The following CD2AP variants were observed in gnomAD, a reference collection of about 807,000 sequenced individuals.
The protein encoded by CD2AP is CD2 associated protein.
A neutral mutation model predicts 85.1 loss-of-function variants in CD2AP; 46 were observed. The observed-to-expected ratio is 0.54, with a 90% confidence interval of 0.43 to 0.69. The LOEUF is 0.69. Ranked by LOEUF, CD2AP falls within the 30% of genes least tolerant of loss-of-function variation. The pLI, the probability that CD2AP is intolerant of heterozygous loss-of-function variation, is 0.00. For synonymous variants in CD2AP, 255 were observed against 252.9 expected (o/e 1.01, Z -0.08); for missense variants, 769 against 729.5 (o/e 1.05, Z -0.62).
chr6:47,557,057 G>A (rs1165912916), intron 5 of CD2AP, among the ~76,000 whole-genome samples: 1 of 151,998 alleles, frequency 6.6e-6, no homozygotes, highest in East Asian at 1.9e-4. Context: ...ATTTTGATTT[G>A]CATTTCTCTG....
At position 47,477,978 on chromosome 6, in the gene CD2AP, G is replaced by A. The variant is rs532229799; in HGVS notation, c.-267G>A. ...GGAAAACCGCGGTCGGGCGGGCGGG[G>A]TAGGGCCCTCCCGCCGCCGTGGCTC... On this transcript the variant is annotated 5_prime_UTR_variant, in exon 1 of 18. Coordinates refer to ENST00000359314, the MANE Select transcript of CD2AP (RefSeq NM_012120.3). 822 of 561,740 alleles carry A rather than the reference G, an allele frequency of 1.5e-3. 10 individuals are homozygous for A. The highest frequency in any genetic ancestry group is 0.011 in the South Asian group (533 of 47,938). The allele number at this position is 561,740 out of a possible 1,614,324, so 34.8% of individuals were successfully genotyped here. A position where few individuals can be genotyped will look rare whatever the true frequency, so the allele number is the denominator to read the frequency against.
intron 13 of CD2AP, among the ~76,000 whole-genome samples, chr6:47,601,545 C>A (rs1769133725): frequency 6.6e-6 from 1 of 151,922 alleles, no homozygotes; most frequent in Admixed American, 6.6e-5. Context: ...GGCACAGTTG[C>A]ATGCTAAGAT....
intron 2 of CD2AP, among the ~76,000 whole-genome samples, chr6:47,530,414 A>G (rs1766842866): frequency 6.6e-6 from 1 of 152,162 alleles, no homozygotes; most frequent in South Asian, 2.1e-4. Flanking sequence ...CTGCTTTTTA[A>G]TCTATACATT....
chr6:47,509,612 T>A (rs1239068661), intron 2 of CD2AP, among the ~76,000 whole-genome samples: 1 of 152,196 alleles, frequency 6.6e-6, no homozygotes, highest in East Asian at 1.9e-4. Context: ...GGTCACTTCA[T>A]TTTTTGTTTT....
intron 2 of CD2AP, among the ~76,000 whole-genome samples, chr6:47,533,340 TG>T (rs891642965): frequency 2.0e-5 from 3 of 151,962 alleles, no homozygotes; most frequent in Non-Finnish European, 4.4e-5. Context: ...TCTTTGTAGT[TG>T]GGGTGAGTGG....
chr6:47,528,304 AGC>A (rs1446433715), intron 2 of CD2AP, among the ~76,000 whole-genome samples: 1 of 152,062 alleles, frequency 6.6e-6, no homozygotes, highest in East Asian at 1.9e-4. Flanking sequence ...CCTCCCAAGG[AGC>A]TGGGGTTACA....
intron 2 of CD2AP, among the ~76,000 whole-genome samples, chr6:47,532,579 CTG>C (rs1479810530): frequency 6.6e-6 from 1 of 151,780 alleles, no homozygotes; most frequent in East Asian, 1.9e-4. Flanking sequence ...TGAAGTTTGT[CTG>C]TTTATGGATT....
intron 1 of CD2AP, among the ~76,000 whole-genome samples, chr6:47,483,427 A>G (rs1353840729): frequency 6.6e-6 from 1 of 152,096 alleles, no homozygotes; most frequent in Non-Finnish European, 1.5e-5. Context: ...GGGAAAAGGG[A>G]GGAAATGGGG....
At chr6:47,590,970 TC>T (rs1222328587) in intron 11 of CD2AP, among the ~76,000 whole-genome samples, 1 of 152,120 alleles carries the variant, frequency 6.6e-6, no homozygotes, top group African/African-American at 2.4e-5. Flanking sequence ...TGTTAAAACT[TC>T]CATACTACCC....
intron 11 of CD2AP, among the ~76,000 whole-genome samples, chr6:47,593,369 C>A (rs1768853845): frequency 6.6e-6 from 1 of 152,058 alleles, no homozygotes; most frequent in Admixed American, 6.6e-5. Flanking sequence ...AGGACTGTTA[C>A]AACTTAACAA....
chr6:47,523,977 A>G (rs1432706009), intron 2 of CD2AP, among the ~76,000 whole-genome samples: 1 of 152,202 alleles, frequency 6.6e-6, no homozygotes, highest in Admixed American at 6.5e-5. Flanking sequence ...TTTGGTAGAT[A>G]GCTTTAAAGA....
intron 3 of CD2AP, among the ~76,000 whole-genome samples, chr6:47,543,092 A>T (rs1297271550): frequency 7.1e-6 from 1 of 141,420 alleles, no homozygotes; most frequent in Admixed American, 7.7e-5. Flanking sequence ...TGGAGGTTGC[A>T]GCGAGCTGAG....
At chr6:47,567,128 A>G (rs1275370795) in intron 5 of CD2AP, among the ~76,000 whole-genome samples, 2 of 150,170 alleles carry the variant, frequency 1.3e-5, no homozygotes, top group Non-Finnish European at 3.0e-5. Context: ...CATATGGGGT[A>G]TGGAAATTTG....
chr6:47,487,574 C>G (rs1042129083), intron 1 of CD2AP, among the ~76,000 whole-genome samples: 1 of 152,040 alleles, frequency 6.6e-6, no homozygotes, highest in Non-Finnish European at 1.5e-5. Context: ...CCTGTAGTCC[C>G]AGCTGCTCGG....
intron 2 of CD2AP, among the ~76,000 whole-genome samples, chr6:47,527,153 T>A (rs1177650805): frequency 2.0e-5 from 3 of 151,956 alleles, no homozygotes; most frequent in African/African-American, 2.4e-5. Context: ...AAAAGAAAAG[T>A]TTTTTTGAAC....
In CD2AP at chr6:47,568,012, G is replaced by A. The variant is rs187335215; in HGVS notation, c.542-6052G>A. Among the ~76,000 whole-genome samples the A allele has an allele frequency of 2.5e-4, 38 of 152,240 alleles. No homozygotes were observed. In the East Asian group the frequency reaches 6.4e-3, roughly 26 times the overall value. The stretch of plus-strand genomic sequence containing the variant: ...TAGCCTAAACTAGAGGAGTGCTATG[G>A]GGATGGAGAGACACGTGTAGAATAG... On this transcript the variant is annotated intron_variant, in intron 5 of 17. Coordinates refer to ENST00000359314, the MANE Select transcript of CD2AP (RefSeq NM_012120.3).
At chr6:47,541,401 G>A (rs1767212862) in intron 3 of CD2AP, among the ~76,000 whole-genome samples, 1 of 152,202 alleles carries the variant, frequency 6.6e-6, no homozygotes, top group African/African-American at 2.4e-5. Flanking sequence ...TGGGATTACA[G>A]GCATGAGCCT....
chr6:47,556,599 T>C (rs1767699645), intron 5 of CD2AP, among the ~76,000 whole-genome samples: 1 of 152,068 alleles, frequency 6.6e-6, no homozygotes, highest in Admixed American at 6.6e-5. Flanking sequence ...TCCACACGCC[T>C]CGGCCTCCCA....
chr6:47,478,117 C>A lies in CD2AP; in HGVS notation c.-128C>A. The A allele has an allele frequency of 8.0e-7, 1 of 1,250,630 alleles. No individual in the cohort carries two copies. The highest frequency in any genetic ancestry group is 1.1e-6 in the Non-Finnish European group (1 of 877,688). The allele number at this position is 1,250,630 out of a possible 1,614,324, so 77.5% of individuals were successfully genotyped here. On this transcript the variant is annotated 5_prime_UTR_variant, in exon 1 of 18. Transcript: ENST00000359314. Reference sequence around the variant, plus strand: ...CGGATGGAGGCGACTCTTCGCCCCGCCTGAGCTCAGGAGGGGCTAGCGCGG... The same window carrying A: ...CGGATGGAGGCGACTCTTCGCCCCGACTGAGCTCAGGAGGGGCTAGCGCGG...
Sources: gnomAD v4.1 joint callset for allele counts (sites outside exome capture counted in the v4.1 genomes callset) on GRCh38, gnomAD v4.1.1 for gene constraint, MANE v1.5 for transcripts, NCBI Gene and HGNC (gene_info 2026-07-23, HGNC 2026-07-21) for gene names.